Variants in CADPS2 observed in about 807,000 individuals in gnomAD.
The protein encoded by CADPS2 is calcium dependent secretion activator 2.
Under a neutral mutation model 172.5 loss-of-function variants are expected in CADPS2, and 93 were observed. The observed-to-expected ratio is 0.54, with a 90% confidence interval of 0.46 to 0.64. The LOEUF (loss-of-function observed/expected upper bound fraction) is 0.64. Among genes scored for constraint, CADPS2 ranks in the 30% least tolerant of loss-of-function variants. CADPS2 has a pLI of 0.00. For missense variants in CADPS2, 1,420 were observed against 1,565.9 expected (o/e 0.91, Z 1.57); for synonymous variants, 546 against 555.2 (o/e 0.98, Z 0.23).
intron 1 of CADPS2, among the ~76,000 whole-genome samples, chr7:122,758,404 C>T (rs536593669): frequency 4.3e-4 from 65 of 152,150 alleles, no homozygotes; most frequent in Non-Finnish European, 8.4e-4. Context: ...ATAAACATCG[C>T]GTATGTATTA....
intron 6 of CADPS2, among the ~76,000 whole-genome samples, chr7:122,611,753 A>C (rs1041039199): frequency 5.3e-5 from 8 of 152,098 alleles, no homozygotes; most frequent in Admixed American, 1.3e-4. Flanking sequence ...AATCAGAGAT[A>C]TCACACAAAA....
intron 10 of CADPS2, among the ~76,000 whole-genome samples, chr7:122,490,940 G>A (rs1258043199): frequency 6.6e-6 from 1 of 152,034 alleles, no homozygotes; most frequent in Non-Finnish European, 1.5e-5. Context: ...AGCATGTATT[G>A]TTGGGGAGAA....
At chr7:122,365,309 C>CATGG (rs1348066850) in intron 25 of CADPS2, among the ~76,000 whole-genome samples, 1 of 152,162 alleles carries the variant, frequency 6.6e-6, no homozygotes, top group Non-Finnish European at 1.5e-5. Context: ...TAAGTGCTTA[C>CATGG]ATGGCAGTGA....
chr7:122,359,634 C>G (rs2151120597), intron 27 of CADPS2, among the ~76,000 whole-genome samples: 1 of 152,216 alleles, frequency 6.6e-6, no homozygotes, highest in Non-Finnish European at 1.5e-5. Context: ...AGATATCAAA[C>G]ATAAAATCTC....
chr7:122,370,873 T>C (rs531403096), intron 25 of CADPS2, among the ~76,000 whole-genome samples: 167 of 152,310 alleles, frequency 1.1e-3, no homozygotes, highest in Non-Finnish European at 2.2e-3. Context: ...GCAATTATAC[T>C]GTGAAGGGAC....
At chr7:122,610,762 C>T (rs1179468710) in intron 6 of CADPS2, among the ~76,000 whole-genome samples, 1 of 152,088 alleles carries the variant, frequency 6.6e-6, no homozygotes, top group Non-Finnish European at 1.5e-5. Context: ...AGAAGTTGCA[C>T]TCCCTCAAAA....
intron 8 of CADPS2, among the ~76,000 whole-genome samples, chr7:122,541,093 T>G (rs952853738): frequency 6.6e-6 from 1 of 151,848 alleles, no homozygotes; most frequent in African/African-American, 2.4e-5. Flanking sequence ...GAAACAAAAA[T>G]ATGTGCACCA....
chr7:122,515,017 A>C (rs1388351902), intron 8 of CADPS2, among the ~76,000 whole-genome samples: 1 of 152,164 alleles, frequency 6.6e-6, no homozygotes, highest in Non-Finnish European at 1.5e-5. Flanking sequence ...AAATTCACAG[A>C]AATTTTCAGA....
intron 2 of CADPS2, among the ~76,000 whole-genome samples, chr7:122,707,116 A>G (rs1045986642): frequency 1.3e-5 from 2 of 151,810 alleles, no homozygotes; most frequent in Non-Finnish European, 2.9e-5. Context: ...CAGGCTCTAA[A>G]TTCCTGAAGT....
intron 12 of CADPS2, among the ~76,000 whole-genome samples, chr7:122,477,360 C>T (rs992432427): frequency 6.6e-6 from 1 of 151,362 alleles, no homozygotes; most frequent in East Asian, 1.9e-4. Context: ...CTAAAAAACA[C>T]AAAAAATTAG....
chr7:122,608,064 A>C (rs1313846744), intron 6 of CADPS2, among the ~76,000 whole-genome samples: 2 of 152,008 alleles, frequency 1.3e-5, no homozygotes, highest in East Asian at 3.9e-4. Context: ...TAAAACTACA[A>C]AAATTAGCTG....
intron 1 of CADPS2, among the ~76,000 whole-genome samples, chr7:122,815,024 G>A (rs1418072723): frequency 6.6e-6 from 1 of 151,974 alleles, no homozygotes; most frequent in Non-Finnish European, 1.5e-5. Context: ...AGGCAGAAAG[G>A]CTAAAAACAA....
At chr7:122,838,118 G>A (rs988229772) in intron 1 of CADPS2, among the ~76,000 whole-genome samples, 1 of 152,172 alleles carries the variant, frequency 6.6e-6, no homozygotes, top group African/African-American at 2.4e-5. Context: ...TGCAAGGCTG[G>A]TTCAACATAT....
chr7:122,627,922 A>G (rs924550633), intron 4 of CADPS2, among the ~76,000 whole-genome samples: 12 of 152,174 alleles, frequency 7.9e-5, no homozygotes, highest in Non-Finnish European at 1.3e-4. Context: ...TCTACTCTAC[A>G]AAATCCACAT....
chr7:122,347,795 T>C (rs2037917295), intron 27 of CADPS2, among the ~76,000 whole-genome samples: 1 of 152,204 alleles, frequency 6.6e-6, no homozygotes, highest in Non-Finnish European at 1.5e-5. Context: ...GCAGGGTAAT[T>C]TGTACAAAGA....
intron 1 of CADPS2, among the ~76,000 whole-genome samples, chr7:122,861,969 A>G (rs956369684): frequency 6.6e-6 from 1 of 152,240 alleles, no homozygotes; most frequent in African/African-American, 2.4e-5. Context: ...TTTCCCTGTT[A>G]AAATGAGGAA....
Position 122,474,376 on chromosome 7 carries a change from C to G in CADPS2, c.1998+5G>C. The G allele has an allele frequency of 6.2e-7, 1 of 1,612,978 alleles. No homozygotes were observed. The highest frequency in any genetic ancestry group is 8.5e-7 in the Non-Finnish European group (1 of 1,179,350). ...TTATAGGGGACTAGATAGACTTGTA[C>G]TCACCAAGCAAGAATAGGAATCATT... On this transcript the variant is annotated splice_donor_5th_base_variant and intron_variant, in intron 13 of 29. Transcript: ENST00000449022.
At chr7:122,762,731 T>C (rs1400962415) in intron 1 of CADPS2, among the ~76,000 whole-genome samples, 2 of 151,994 alleles carry the variant, frequency 1.3e-5, no homozygotes, top group Non-Finnish European at 2.9e-5. Flanking sequence ...ACAGAAGAGA[T>C]CTTAGGATGA....
At chr7:122,594,374 T>G (rs1325581426) in intron 6 of CADPS2, among the ~76,000 whole-genome samples, 2 of 150,886 alleles carry the variant, frequency 1.3e-5, no homozygotes, top group Non-Finnish European at 3.0e-5. Flanking sequence ...GTAATGACTT[T>G]CATAATAAGA....
Sources: allele counts gnomAD v4.1 joint callset (sites outside exome capture counted in the v4.1 genomes callset), GRCh38; gene constraint gnomAD v4.1.1; transcripts MANE v1.5; gene names NCBI Gene and HGNC (gene_info 2026-07-23, HGNC 2026-07-21).